ARSG: variants seen among roughly 807,000 people sequenced by gnomAD.
The protein encoded by ARSG is arylsulfatase G.
In ARSG, 37 loss-of-function variants were observed where a neutral mutation model predicts 50.5. The ratio of observed to expected loss-of-function variants is 0.73; its 90% CI spans 0.56 to 0.96. The LOEUF is 0.96. Among genes scored for constraint, ARSG ranks in the 50% least tolerant of loss-of-function variants. The pLI is 0.00. For missense variants in ARSG, 629 were observed against 675.3 expected, an observed-to-expected ratio of 0.93 and a Z score of 0.76; for synonymous variants, 225 against 254.6, an observed-to-expected ratio of 0.88 and a Z score of 1.11.
At chr17:68,316,831 G>C (rs1313002172) in intron 2 of ARSG, among the ~76,000 whole-genome samples, 1 of 152,086 alleles carries the variant, frequency 6.6e-6, no homozygotes, top group Non-Finnish European at 1.5e-5. Flanking sequence ...TGGCTGGAGG[G>C]TGAGGCCTGT....
exon 1 of ARSG, chr17:68,259,390 A>C (rs1245985387): frequency 6.6e-6 from 1 of 152,244 alleles, no homozygotes; most frequent in Non-Finnish European, 1.5e-5. Context: ...CTCTGGGCAC[A>C]GCCTTGGAAA....
At chr17:68,389,396 C>T (rs1332985175) in intron 9 of ARSG, among the ~76,000 whole-genome samples, 1 of 152,008 alleles carries the variant, frequency 6.6e-6, no homozygotes, top group Non-Finnish European at 1.5e-5. Context: ...ATGAGGGTGC[C>T]AGGGAAGCTG....
chr17:68,320,101 A>C (rs1482408052), intron 2 of ARSG, among the ~76,000 whole-genome samples: 1 of 152,180 alleles, frequency 6.6e-6, no homozygotes, highest in African/African-American at 2.4e-5. Flanking sequence ...AGCCTGGGCA[A>C]CACGGTGAAA....
downstream of ARSG, among the ~76,000 whole-genome samples, chr17:68,423,250 TC>T (rs79803247): frequency 0.03 from 4,574 of 152,230 alleles, 192 homozygotes; most frequent in South Asian, 0.18. The surrounding 1 kb of genome is among the most constrained non-coding windows in gnomAD (Gnocchi z 4.4). Flanking sequence ...GAGAGGAAGT[TC>T]CCTAGCATCC....
At position 68,339,160 on chromosome 17, in the gene ARSG, G is replaced by A. The variant is rs115113497; in HGVS notation, c.219-4444G>A. Among the ~76,000 whole-genome samples, 1,259 of 152,010 alleles carry A rather than the reference G, an allele frequency of 8.3e-3. 15 individuals are homozygous for A. The highest frequency in any genetic ancestry group is 0.027 in the African/African-American group (1,123 of 41,464). On this transcript the variant is annotated intron_variant, in intron 2 of 11. Transcript: ENST00000621439. The stretch of plus-strand genomic sequence containing the variant: ...ACTTTGTAGCCGGGCGTGGTGGCGC[G>A]TGCCTGTAGTCCCAGCTACAGCTCT...
chr17:68,427,301 A>C (rs199609940), downstream of ARSG: 35 of 1,407,846 alleles, frequency 2.5e-5, no homozygotes, highest in Admixed American at 2.2e-4. Context: ...AAATCATCAT[A>C]TATCTAGGAC....
At chr17:68,304,991 T>C (rs548397071) in intron 1 of ARSG, among the ~76,000 whole-genome samples, 7 of 152,158 alleles carry the variant, frequency 4.6e-5, no homozygotes, top group Admixed American at 1.3e-4. Flanking sequence ...CTGGGCAATA[T>C]AGTGAGATCC....
At chr17:68,402,563 CA>C (rs2081520212) in intron 11 of ARSG, among the ~76,000 whole-genome samples, 1 of 151,474 alleles carries the variant, frequency 6.6e-6, no homozygotes, top group African/African-American at 2.4e-5. Flanking sequence ...CTCGCTCTGT[CA>C]CCCAGGCTGG....
At chr17:68,417,697 C>G (rs2082461721) in intron 11 of ARSG, among the ~76,000 whole-genome samples, 1 of 141,716 alleles carries the variant, frequency 7.1e-6, no homozygotes, top group African/African-American at 2.6e-5. Flanking sequence ...TGCCCTGTGA[C>G]TTCACTTCTC....
chr17:68,318,668 T>G (rs1217889276), intron 2 of ARSG, among the ~76,000 whole-genome samples: 1 of 152,218 alleles, frequency 6.6e-6, no homozygotes, highest in Non-Finnish European at 1.5e-5. Flanking sequence ...TACGTTGATT[T>G]GCAATATGTT....
chr17:68,306,243 C>T (rs981738615), intron 1 of ARSG, among the ~76,000 whole-genome samples: 8 of 152,138 alleles, frequency 5.3e-5, no homozygotes, highest in African/African-American at 1.9e-4. Flanking sequence ...CTCAGGTGAT[C>T]CGCCCGCCTT....
At position 68,378,297 on chromosome 17, in the gene ARSG, A is replaced by G. The variant is rs2080254157; in HGVS notation, c.983-6767A>G. On this transcript the variant is annotated intron_variant, in intron 8 of 11. Coordinates refer to ENST00000621439, the MANE Select transcript of ARSG (RefSeq NM_001267727.2). This position sits in a 1 kb window ranked among gnomAD's most constrained non-coding sequence, Gnocchi z 4.4. ...GACAAACAGTACCCGGAGTCGTGCA[A>G]CTTTCTCCCTGAAGCCAGGCTGCTG... is the stretch of plus-strand genomic sequence containing the variant. Among the ~76,000 whole-genome samples, 1 of 152,198 alleles carries G rather than the reference A, an allele frequency of 6.6e-6. No individual in the cohort carries two copies. The highest frequency in any genetic ancestry group is 1.5e-5 in the Non-Finnish European group (1 of 68,028).
At chr17:68,447,450 T>G in the ARSG span, among the ~76,000 whole-genome samples, 1 of 152,200 alleles carries the variant, frequency 6.6e-6, no homozygotes, top group Non-Finnish European at 1.5e-5. Flanking sequence ...AGCGTGATCA[T>G]AGCTCACTGC....
chr17:68,437,874 G>C, the ARSG span, among the ~76,000 whole-genome samples: 1 of 140,974 alleles, frequency 7.1e-6, no homozygotes, highest in African/African-American at 2.7e-5. Flanking sequence ...CATGATAGCA[G>C]TGAATTCCAG....
chr17:68,274,190 G>A (rs1479417146), intron 1 of ARSG: 1 of 1,081,612 alleles, frequency 9.2e-7, no homozygotes, highest in East Asian at 2.5e-5. Context: ...ATATGGCCGA[G>A]CGCAGTGGCT....
chr17:68,437,005 A>AAAAATATAT, the ARSG span, among the ~76,000 whole-genome samples: 207 of 107,248 alleles, frequency 1.9e-3, no homozygotes, highest in African/African-American at 3.3e-3. Flanking sequence ...AAAAAAAAAA[A>AAAAATATAT]ATATATATAT....
intron 11 of ARSG, among the ~76,000 whole-genome samples, chr17:68,402,641 C>T (rs1402641922): frequency 6.6e-6 from 1 of 152,172 alleles, no homozygotes; most frequent in African/African-American, 2.4e-5. Flanking sequence ...TCTCCTGCCT[C>T]AGCCTCCCGA....
intron 1 of ARSG, among the ~76,000 whole-genome samples, chr17:68,279,946 C>T (rs2075639200): frequency 6.6e-6 from 1 of 152,068 alleles, no homozygotes. Context: ...CTTTGGGAGG[C>T]CAAAGCGGGT....
the ARSG span, chr17:68,436,435 A>G: frequency 6.2e-7 from 1 of 1,614,078 alleles, no homozygotes; most frequent in South Asian, 1.1e-5. Flanking sequence ...CTTCCAGGAT[A>G]GGCCAGGTAA....
Sources: gnomAD v4.1 joint callset for allele counts (sites outside exome capture counted in the v4.1 genomes callset) on GRCh38, gnomAD v4.1.1 for gene constraint, Gnocchi (gnomAD v3.1) non-coding constraint, MANE v1.5 for transcripts, NCBI Gene and HGNC (gene_info 2026-07-23, HGNC 2026-07-21) for gene names.